Variants in RASA3 observed in about 807,000 individuals in gnomAD.
RASA3 encodes RAS p21 protein activator 3, also known as ras GTPase-activating protein 3.
RASA3 carries 73 observed loss-of-function variants against 110.0 expected under a neutral mutation model. The observed-to-expected ratio is 0.66, with a 90% CI of 0.55 to 0.81. The LOEUF (loss-of-function observed/expected upper bound fraction) is 0.81, where lower values mean the gene tolerates loss of function less well. RASA3 is among the 30% of genes least tolerant of loss of function. The probability of loss-of-function intolerance (pLI) is 0.00; values close to 1 mark genes in which losing one functional copy is unlikely to be tolerated. For missense variants in RASA3, 976 were observed against 1,113.2 expected, an observed-to-expected ratio of 0.88 and a Z score of 1.75; for synonymous variants, 500 against 451.4, an observed-to-expected ratio of 1.11 and a Z score of -1.37.
At chr13:113,995,735 G>A (rs1171529766) in intron 21 of RASA3, among the ~76,000 whole-genome samples, 1 of 44,454 alleles carries the variant, frequency 2.2e-5, no homozygotes, top group Non-Finnish European at 4.0e-5. Flanking sequence ...TGGGGGGCCC[G>A]GCTGACGGGG....
At chr13:114,030,466 G>GGCAAGACTCACACAGACA (rs2054135458) in intron 4 of RASA3, among the ~76,000 whole-genome samples, 1 of 100,854 alleles carries the variant, frequency 9.9e-6, no homozygotes, top group Admixed American at 9.3e-5. Flanking sequence ...TCACACAGAG[G>GGCAAGACTCACACAGACA]GCAAGGCTCA....
intron 14 of RASA3, among the ~76,000 whole-genome samples, chr13:114,013,923 C>A (rs200332219): frequency 2.3e-5 from 1 of 42,930 alleles, no homozygotes; most frequent in East Asian, 8.3e-4. Context: ...TCTCTCTCTC[C>A]GTCTCTCTCT....
intron 21 of RASA3, among the ~76,000 whole-genome samples, chr13:113,995,603 T>TGGG (rs1326901249): frequency 7.1e-6 from 1 of 140,638 alleles, no homozygotes; most frequent in Non-Finnish European, 1.6e-5. Context: ...GCCCGGCTGA[T>TGGG]GGGGGGCCCT....
chr13:114,083,586 C>T (rs897521662), intron 1 of RASA3, among the ~76,000 whole-genome samples: 2 of 139,326 alleles, frequency 1.4e-5, no homozygotes, highest in African/African-American at 5.2e-5. Context: ...GTATCGACTC[C>T]CTTCGTCCTC....
intron 15 of RASA3, among the ~76,000 whole-genome samples, chr13:114,012,624 C>CATTCCACGCACACTCCCCACTCA (rs2053661507): frequency 9.7e-6 from 1 of 103,582 alleles, no homozygotes; most frequent in Non-Finnish European, 2.4e-5. Context: ...CCCACTCACT[C>CATTCCACGCACACTCCCCACTCA]CTCATTCCAC....
intron 1 of RASA3, among the ~76,000 whole-genome samples, chr13:114,077,560 C>A (rs1370440285): frequency 1.4e-5 from 2 of 145,992 alleles, no homozygotes; most frequent in Non-Finnish European, 3.0e-5. Flanking sequence ...GATGCCCAGT[C>A]CCACCGCACT....
intron 1 of RASA3, among the ~76,000 whole-genome samples, chr13:114,077,648 A>C (rs1437188871): frequency 8.9e-6 from 1 of 112,816 alleles, no homozygotes; most frequent in Non-Finnish European, 1.8e-5. Flanking sequence ...AACGCACCGG[A>C]TTCATCCCTC....
At chr13:114,061,498 G>A (rs577406700) in intron 2 of RASA3, among the ~76,000 whole-genome samples, 47 of 147,578 alleles carry the variant, frequency 3.2e-4, no homozygotes, top group South Asian at 1.7e-3. Flanking sequence ...GTGAAACGCC[G>A]TCTCTACTAA....
chr13:114,021,546 G>A (rs1393726765), intron 8 of RASA3, 38 bp from the exon 9 acceptor site: 1 of 1,572,416 alleles, frequency 6.4e-7, no homozygotes, highest in East Asian at 2.2e-5. Flanking sequence ...GCTGACGGCG[G>A]GCAGCCCGTG....
intron 2 of RASA3, among the ~76,000 whole-genome samples, chr13:114,052,944 C>T (rs536829433): frequency 3.2e-5 from 4 of 125,314 alleles, no homozygotes; most frequent in South Asian, 5.1e-4. Flanking sequence ...TACTTAGAGT[C>T]CTCGCTCCTG....
chr13:114,003,963 T>C (rs937932606), intron 18 of RASA3, among the ~76,000 whole-genome samples: 1 of 152,178 alleles, frequency 6.6e-6, no homozygotes, highest in African/African-American at 2.4e-5. Context: ...AAAGTAAAAA[T>C]TGCCTCGCTG....
At chr13:113,998,180 G>C (rs927739550) in intron 20 of RASA3, among the ~76,000 whole-genome samples, 1 of 152,174 alleles carries the variant, frequency 6.6e-6, no homozygotes, top group Admixed American at 6.5e-5. Context: ...TGCTTCCTTC[G>C]AGGGACGGTC....
At chr13:114,018,636 G>A in intron 10 of RASA3, 127 bp downstream of exon 10, 1 of 1,220,602 alleles carries the variant, frequency 8.2e-7, no homozygotes, top group South Asian at 1.5e-5. Flanking sequence ...AACAGGCCAG[G>A]CTGGGAGGCG....
chr13:113,988,696 A>G (rs2053026915), intron 22 of RASA3, among the ~76,000 whole-genome samples: 5 of 66,242 alleles, frequency 7.5e-5, no homozygotes, highest in East Asian at 5.1e-4. Flanking sequence ...CCCATTACTC[A>G]CCCATCCATC....
chr13:114,038,123 T>C (rs1157441690), intron 4 of RASA3, among the ~76,000 whole-genome samples: 2 of 143,292 alleles, frequency 1.4e-5, no homozygotes, highest in Admixed American at 6.9e-5. Context: ...CACCTGCCAA[T>C]AAAACCAAAC....
chr13:114,013,847 T>C (rs2053713430), intron 14 of RASA3, among the ~76,000 whole-genome samples: 1 of 71,566 alleles, frequency 1.4e-5, no homozygotes, highest in African/African-American at 4.4e-5. Context: ...TCTCTCTCCA[T>C]CTCTCTGTCT....
chr13:114,062,639 T>C (rs376085191), intron 2 of RASA3, among the ~76,000 whole-genome samples: 1,178 of 110,960 alleles, frequency 0.011, 84 homozygotes, highest in Admixed American at 0.072. Flanking sequence ...CACGTCCGCA[T>C]GCAGACTCGG....
At chr13:114,090,475 C>T (rs962847599) in intron 1 of RASA3, among the ~76,000 whole-genome samples, 7 of 152,202 alleles carry the variant, frequency 4.6e-5, no homozygotes, top group Middle Eastern at 3.4e-3. Flanking sequence ...GAGAAGGGAC[C>T]GAGGCTCCTC....
At chr13:114,103,443 G>A (rs372054035) in intron 1 of RASA3, among the ~76,000 whole-genome samples, 445 of 152,104 alleles carry the variant, frequency 2.9e-3, no homozygotes, top group African/African-American at 6.8e-3. Context: ...GACGGGGGAC[G>A]GGGGGACGGG....
Sources: gnomAD v4.1 joint callset for allele counts (sites outside exome capture counted in the v4.1 genomes callset) on GRCh38, gnomAD v4.1.1 for gene constraint, MANE v1.5 for transcripts, NCBI Gene and HGNC (gene_info 2026-07-23, HGNC 2026-07-21) for gene names.